Variants in RORA observed in about 807,000 individuals in gnomAD.
The protein encoded by RORA is nuclear receptor ROR-alpha.
In RORA, 7 loss-of-function variants were observed where a neutral mutation model predicts 69.5. The ratio of observed to expected loss-of-function variants is 0.10; its 90% CI spans 0.06 to 0.19. The LOEUF is 0.19. Ranked by LOEUF, RORA falls within the 10% of genes least tolerant of loss-of-function variation. RORA has a pLI of 1.00. For missense variants in RORA, 457 were observed against 663.0 expected (o/e 0.69, Z 3.41); for synonymous variants, 261 against 240.8 (o/e 1.08, Z -0.78).
At chr15:60,827,617 C>A (rs935384739) in intron 1 of RORA, among the ~76,000 whole-genome samples, 19 of 152,192 alleles carry the variant, frequency 1.2e-4, no homozygotes, top group African/African-American at 4.6e-4. Context: ...AAGGCCAGGA[C>A]CCCAGATTCC....
intron 1 of RORA, among the ~76,000 whole-genome samples, chr15:60,908,234 G>A (rs75292395): frequency 2.3e-3 from 343 of 152,358 alleles, no homozygotes; most frequent in Non-Finnish European, 3.6e-3. Context: ...TGAGCTGACC[G>A]TAGGGTGTGT....
At chr15:61,095,273 T>C (rs1038300373) in intron 1 of RORA, among the ~76,000 whole-genome samples, 25 of 152,150 alleles carry the variant, frequency 1.6e-4, no homozygotes, top group Non-Finnish European at 1.3e-4. Context: ...GAGATGATCA[T>C]AGGGGGTAGT....
At chr15:61,188,411 C>G (rs1003112252) in intron 1 of RORA, among the ~76,000 whole-genome samples, 4 of 152,118 alleles carry the variant, frequency 2.6e-5, no homozygotes, top group African/African-American at 9.7e-5. Context: ...GTTTGCTGAC[C>G]CTTATTCTGG....
intron 1 of RORA, among the ~76,000 whole-genome samples, chr15:60,983,076 C>T (rs1038699326): frequency 1.3e-5 from 2 of 152,102 alleles, no homozygotes; most frequent in African/African-American, 4.8e-5. Context: ...TAGTGCCACC[C>T]CCTACTACAA....
chr15:60,571,083 T>C (rs1371097997), intron 2 of RORA, among the ~76,000 whole-genome samples: 2 of 152,230 alleles, frequency 1.3e-5, no homozygotes, highest in African/African-American at 4.8e-5. Flanking sequence ...CAGTAGTTTC[T>C]ATAATCAATT....
chr15:60,556,712 C>T (rs1040146677), intron 2 of RORA: 4 of 676,784 alleles, frequency 5.9e-6, no homozygotes, highest in Admixed American at 2.6e-5. Context: ...TCCTCTATGC[C>T]TGGAAGTTCA....
intron 1 of RORA, among the ~76,000 whole-genome samples, chr15:61,155,050 A>G (rs769094244): frequency 1.1e-4 from 16 of 152,212 alleles, no homozygotes; most frequent in Non-Finnish European, 1.8e-4. Context: ...ACTGTAGTGA[A>G]TAACAATGTG....
intron 1 of RORA, among the ~76,000 whole-genome samples, chr15:60,704,155 G>A (rs112477704): frequency 7.9e-5 from 12 of 152,196 alleles, no homozygotes; most frequent in African/African-American, 1.9e-4. Context: ...CAACACAGCC[G>A]TGACAAAAAT....
intron 1 of RORA, among the ~76,000 whole-genome samples, chr15:60,997,302 C>T (rs1420428976): frequency 6.6e-6 from 1 of 152,082 alleles, no homozygotes; most frequent in Non-Finnish European, 1.5e-5. Flanking sequence ...GGTCTATTCT[C>T]TCATTAAATC....
intron 1 of RORA, among the ~76,000 whole-genome samples, chr15:60,858,434 C>T (rs1176730330): frequency 6.6e-6 from 1 of 152,158 alleles, no homozygotes; most frequent in African/African-American, 2.4e-5. Context: ...ACATTTTCTC[C>T]CAGGCAACTG....
chr15:60,795,661 G>A (rs1488463896), intron 1 of RORA, among the ~76,000 whole-genome samples: 1 of 152,192 alleles, frequency 6.6e-6, no homozygotes, highest in Non-Finnish European at 1.5e-5. Context: ...TCCATGGTGA[G>A]TAAGGCAGAA....
intron 1 of RORA, among the ~76,000 whole-genome samples, chr15:61,228,087 G>A (rs1165302194): frequency 6.6e-6 from 1 of 151,830 alleles, no homozygotes; most frequent in African/African-American, 2.4e-5. Flanking sequence ...CGCCAGGGGA[G>A]GAGAAAACAT....
chr15:60,604,970 T>C (rs970880312), intron 2 of RORA, among the ~76,000 whole-genome samples: 6 of 152,212 alleles, frequency 3.9e-5, no homozygotes, highest in African/African-American at 1.4e-4. Flanking sequence ...CATTTATAAC[T>C]GTATGAGCAA....
intron 1 of RORA, among the ~76,000 whole-genome samples, chr15:60,887,611 T>C (rs768458906): frequency 6.6e-6 from 1 of 152,228 alleles, no homozygotes; most frequent in Non-Finnish European, 1.5e-5. Context: ...TCAATTTCTT[T>C]CTATGTGGTT....
At chr15:60,649,691 C>T (rs2070111088) in intron 2 of RORA, among the ~76,000 whole-genome samples, 1 of 152,114 alleles carries the variant, frequency 6.6e-6, no homozygotes, top group Admixed American at 6.5e-5. Flanking sequence ...GTGTTTTCTC[C>T]CTGTGTTGTT....
intron 3 of RORA, chr15:60,528,803 A>G (rs2066441408): frequency 6.6e-6 from 1 of 152,226 alleles, no homozygotes; most frequent in East Asian, 1.9e-4. Flanking sequence ...TGAAGTTATT[A>G]CAATTACAGT....
intron 1 of RORA, among the ~76,000 whole-genome samples, chr15:61,180,827 G>T (rs1174179337): frequency 1.3e-5 from 2 of 152,152 alleles, no homozygotes; most frequent in Non-Finnish European, 2.9e-5. Context: ...GGCCAGGCGT[G>T]GTGGCTCACA....
chr15:60,960,545 G>A (rs1489213425), intron 1 of RORA, among the ~76,000 whole-genome samples: 1 of 152,136 alleles, frequency 6.6e-6, no homozygotes, highest in Non-Finnish European at 1.5e-5. Context: ...GAATGGGGCA[G>A]CGACTAGAGA....
chr15:60,787,564 G>A (rs922021862), intron 1 of RORA, among the ~76,000 whole-genome samples: 2 of 152,184 alleles, frequency 1.3e-5, no homozygotes, highest in African/African-American at 2.4e-5. Flanking sequence ...ACATACAATT[G>A]TTCTTACAAA....
Sources: gnomAD v4.1 joint callset for allele counts (sites outside exome capture counted in the v4.1 genomes callset) on GRCh38, gnomAD v4.1.1 for gene constraint, MANE v1.5 for transcripts, NCBI Gene and HGNC (gene_info 2026-07-23, HGNC 2026-07-21) for gene names.